Variants in NEDD4L observed in about 807,000 individuals in gnomAD.
NEDD4L encodes NEDD4 like E3 ubiquitin protein ligase, also known as E3 ubiquitin-protein ligase NEDD4-like.
NEDD4L carries 54 observed loss-of-function variants against 148.9 expected under a neutral mutation model. That is an observed-to-expected ratio of 0.36 (90% CI 0.29 to 0.45). NEDD4L has a LOEUF of 0.45. Among genes scored for constraint, NEDD4L ranks in the 20% least tolerant of loss-of-function variants. The probability of loss-of-function intolerance (pLI) is 1.00; values close to 1 mark genes in which losing one functional copy is unlikely to be tolerated. For synonymous variants in NEDD4L, 433 were observed against 440.7 expected (o/e 0.98, Z 0.22); for missense variants, 856 against 1,233.8 (o/e 0.69, Z 4.59).
chr18:58,308,993 C>T (rs2057365385), intron 5 of NEDD4L, among the ~76,000 whole-genome samples: 1 of 152,366 alleles, frequency 6.6e-6, no homozygotes, highest in South Asian at 2.1e-4. Context: ...GGTGACTTCA[C>T]GCTGTCCTCA....
At chr18:58,070,248 A>G (rs1245874954) in intron 1 of NEDD4L, among the ~76,000 whole-genome samples, 1 of 151,604 alleles carries the variant, frequency 6.6e-6, no homozygotes, top group African/African-American at 2.4e-5. Flanking sequence ...AAAATTTTTT[A>G]TTTTTATTTT....
intron 24 of NEDD4L, among the ~76,000 whole-genome samples, chr18:58,377,490 A>G (rs1042559115): frequency 2.0e-5 from 3 of 151,758 alleles, no homozygotes; most frequent in African/African-American, 7.3e-5. Flanking sequence ...TTATTTTGCA[A>G]TTTGTTTTCT....
intron 13 of NEDD4L, among the ~76,000 whole-genome samples, chr18:58,336,568 C>A (rs2041804457): frequency 1.3e-5 from 2 of 151,030 alleles, no homozygotes; most frequent in Non-Finnish European, 2.9e-5. Flanking sequence ...CAGAGCGAGA[C>A]TCCATCTCAA....
At chr18:58,178,518 A>G (rs1168526990) in intron 2 of NEDD4L, among the ~76,000 whole-genome samples, 2 of 152,258 alleles carry the variant, frequency 1.3e-5, no homozygotes. Flanking sequence ...AATTTAGATG[A>G]GTGTATTGCA....
chr18:58,107,384 G>A (rs1385362080), intron 1 of NEDD4L, among the ~76,000 whole-genome samples: 1 of 152,148 alleles, frequency 6.6e-6, no homozygotes, highest in Non-Finnish European at 1.5e-5. Context: ...GGAAGGATTA[G>A]AACTGATGGA....
At chr18:58,259,714 G>A (rs1395427029) in intron 5 of NEDD4L, among the ~76,000 whole-genome samples, 1 of 152,122 alleles carries the variant, frequency 6.6e-6, no homozygotes, top group Non-Finnish European at 1.5e-5. Context: ...TGTAAACGGA[G>A]GGAGGAGGGC....
chr18:58,256,100 TC>T lies in NEDD4L; in HGVS notation c.297+4050del. On this transcript the variant is annotated intron_variant, in intron 5 of 30. Coordinates refer to ENST00000400345, the MANE Select transcript of NEDD4L (RefSeq NM_001144967.3). This position sits in a 1 kb window ranked among gnomAD's most constrained non-coding sequence, Gnocchi z 5.2. ...CTCGCCGAGGGACACCCCCGGGAGCTCCCCTCCGAGGGCAGCCCGGGACCCA... is the reference window on the plus strand; with the variant it reads ...CTCGCCGAGGGACACCCCCGGGAGCTCCCTCCGAGGGCAGCCCGGGACCCA... 8.1e-7 allele frequency: 1 copy of T among 1,227,184 alleles called. No homozygotes were observed. The highest frequency in any genetic ancestry group is 1.6e-5 in the African/African-American group (1 of 64,198). 76.0% of individuals were successfully genotyped at this position (1,227,184 alleles called of 1,614,324 possible).
intron 1 of NEDD4L, among the ~76,000 whole-genome samples, chr18:58,121,431 C>CTTTTT (rs112023092): frequency 2.0e-4 from 30 of 147,318 alleles, no homozygotes; most frequent in African/African-American, 7.2e-4. Flanking sequence ...TTCTTTCATT[C>CTTTTT]TTTTTTTTTT....
At chr18:58,389,353 GC>G (rs774391585) in intron 28 of NEDD4L, 161 bp downstream of exon 28, 5 of 560,348 alleles carry the variant, frequency 8.9e-6, no homozygotes, top group Non-Finnish European at 1.3e-5. Context: ...TGAGCCAGCA[GC>G]CCCGTGGTGG....
At position 58,274,851 on chromosome 18, in the gene NEDD4L, G is replaced by A. The variant is rs186133364; in HGVS notation, c.297+22797G>A. Among the ~76,000 whole-genome samples the A allele has an allele frequency of 7.2e-5, 11 of 152,308 alleles. No individual in the cohort carries two copies. In the East Asian group the frequency reaches 7.7e-4, roughly 11 times the overall value. On this transcript the variant is annotated intron_variant, in intron 5 of 30. Coordinates refer to ENST00000400345, the MANE Select transcript of NEDD4L (RefSeq NM_001144967.3). ...CTATCACCTTAGCACTTGGTAATAC[G>A]TTTTTTATGTAGTAGGTGCTCAATA...
intron 2 of NEDD4L, among the ~76,000 whole-genome samples, chr18:58,238,222 G>T (rs918002729): frequency 5.3e-5 from 8 of 152,056 alleles, no homozygotes; most frequent in African/African-American, 1.5e-4. Context: ...AGTAAATCTT[G>T]GGCTGAAAGA....
chr18:58,365,989 T>G lies in NEDD4L; in HGVS notation c.1834-10T>G. ...GTATGATTATGTGTTTTCTTTTGTC[T>G]TTTGTGTAGGCTGATATCCCCAATA... On this transcript the variant is annotated splice_polypyrimidine_tract_variant and intron_variant, in intron 20 of 30. Coordinates refer to ENST00000400345, the MANE Select transcript of NEDD4L (RefSeq NM_001144967.3). The G allele has an allele frequency of 6.3e-7, 1 of 1,578,650 alleles. No individual in the cohort carries two copies. The highest frequency in any genetic ancestry group is 8.7e-7 in the Non-Finnish European group (1 of 1,155,960).
At chr18:58,352,278 T>G (rs1325373979) in intron 18 of NEDD4L, among the ~76,000 whole-genome samples, 1 of 152,226 alleles carries the variant, frequency 6.6e-6, no homozygotes, top group Non-Finnish European at 1.5e-5. Context: ...ACTTTTTTCC[T>G]TAATATACTA....
At chr18:58,389,424 A>C (rs2049492845) in intron 28 of NEDD4L, 4 of 405,386 alleles carry the variant, frequency 9.9e-6, no homozygotes, top group Non-Finnish European at 1.8e-5. Flanking sequence ...ACAAAAGCAC[A>C]CTGGCCTTCC....
chr18:58,238,914 ATG>A (rs2046325875), intron 2 of NEDD4L, among the ~76,000 whole-genome samples: 1 of 152,178 alleles, frequency 6.6e-6, no homozygotes, highest in African/African-American at 2.4e-5. Context: ...ATATTATTGC[ATG>A]TATTCATGGA....
chr18:58,122,891 C>T (rs1035010105), intron 1 of NEDD4L, among the ~76,000 whole-genome samples: 14 of 152,156 alleles, frequency 9.2e-5, no homozygotes, highest in Middle Eastern at 3.4e-3. Flanking sequence ...TGCCACCACG[C>T]CTGGCTCATT....
intron 5 of NEDD4L, among the ~76,000 whole-genome samples, chr18:58,283,766 A>T (rs952241155): frequency 2.0e-5 from 3 of 152,204 alleles, no homozygotes; most frequent in African/African-American, 7.2e-5. Flanking sequence ...CCCCAAAAAG[A>T]TATGAAATCC....
chr18:58,201,273 C>T (rs1473472051), intron 2 of NEDD4L, among the ~76,000 whole-genome samples: 1 of 151,814 alleles, frequency 6.6e-6, no homozygotes, highest in Non-Finnish European at 1.5e-5. Context: ...GCAGAGGTTG[C>T]AGTGAGCCGA....
chr18:58,399,831 A>T lies in NEDD4L; in HGVS notation c.*3562A>T, dbSNP rs945691036. 5 of 152,026 alleles carry T rather than the reference A, an allele frequency of 3.3e-5. No homozygotes were observed. The highest frequency in any genetic ancestry group is 1.2e-4 in the African/African-American group (5 of 41,396). 9.4% of individuals were successfully genotyped at this position (152,026 alleles called of 1,614,324 possible). ...AAACAGCATGCAAAACATTTGAACC[A>T]TTTTCTACATCTCCCATTGTTGCAT... On this transcript the variant is annotated 3_prime_UTR_variant, in exon 31 of 31. Transcript: ENST00000400345.
Sources: gnomAD v4.1 joint callset for allele counts (sites outside exome capture counted in the v4.1 genomes callset) on GRCh38, gnomAD v4.1.1 for gene constraint, Gnocchi (gnomAD v3.1) non-coding constraint, MANE v1.5 for transcripts, NCBI Gene and HGNC (gene_info 2026-07-23, HGNC 2026-07-21) for gene names.